The following CTNNA3 variants were observed in gnomAD, a reference collection of about 807,000 sequenced individuals.
The protein encoded by CTNNA3 is catenin alpha-3.
CTNNA3 carries 76 observed loss-of-function variants against 95.7 expected under a neutral mutation model. The ratio of observed to expected loss-of-function variants is 0.79; its 90% CI spans 0.66 to 0.96. CTNNA3 has a LOEUF of 0.96. Ranked by LOEUF, CTNNA3 falls within the 40% of genes least tolerant of loss-of-function variation. The probability of loss-of-function intolerance (pLI) is 0.00; values close to 1 mark genes in which losing one functional copy is unlikely to be tolerated. For missense variants in CTNNA3, 1,191 were observed against 1,089.8 expected (o/e 1.09, Z -1.31); for synonymous variants, 431 against 374.4 (o/e 1.15, Z -1.74).
chr10:67,357,872 T>C (rs928500961), intron 5 of CTNNA3, among the ~76,000 whole-genome samples: 3 of 152,032 alleles, frequency 2.0e-5, no homozygotes, highest in African/African-American at 7.2e-5. Flanking sequence ...ACTTGAACTG[T>C]CTGACTTCAG....
chr10:67,757,918 G>A (rs1841442442), intron 1 of CTNNA3, among the ~76,000 whole-genome samples: 1 of 151,990 alleles, frequency 6.6e-6, no homozygotes, highest in Admixed American at 6.6e-5. Flanking sequence ...CCAGATATCT[G>A]GTAAAATGTT....
intron 3 of CTNNA3, among the ~76,000 whole-genome samples, chr10:67,564,677 G>GTATATATA (rs71006151): frequency 0.01 from 615 of 61,272 alleles, 37 homozygotes; most frequent in Admixed American, 0.019. Flanking sequence ...GTGTGTGTGT[G>GTATATATA]TATATATATA....
chr10:66,164,896 T>C (rs1262397264), intron 13 of CTNNA3, among the ~76,000 whole-genome samples: 1 of 152,156 alleles, frequency 6.6e-6, no homozygotes, highest in African/African-American at 2.4e-5. Flanking sequence ...GTTTTTTAAA[T>C]GAATCTTCTG....
intron 1 of CTNNA3, among the ~76,000 whole-genome samples, chr10:67,668,449 T>A (rs1840370433): frequency 6.6e-6 from 1 of 152,182 alleles, no homozygotes; most frequent in Non-Finnish European, 1.5e-5. Flanking sequence ...CAAACTATGA[T>A]AAAGTTTAAT....
chr10:67,116,550 A>T (rs1055995156), intron 7 of CTNNA3, among the ~76,000 whole-genome samples: 2 of 151,638 alleles, frequency 1.3e-5, no homozygotes, highest in South Asian at 4.2e-4. Flanking sequence ...AATAGCTCAG[A>T]TATCTGTGAG....
At chr10:66,205,910 C>T (rs565224584) in intron 13 of CTNNA3, among the ~76,000 whole-genome samples, 1 of 151,676 alleles carries the variant, frequency 6.6e-6, no homozygotes, top group Non-Finnish European at 1.5e-5. Flanking sequence ...CAAACGTCAC[C>T]ATTTATTTGC....
chr10:67,513,682 C>T (rs1839713184), intron 5 of CTNNA3, among the ~76,000 whole-genome samples: 1 of 152,166 alleles, frequency 6.6e-6, no homozygotes, highest in Non-Finnish European at 1.5e-5. Flanking sequence ...TCATTATAGC[C>T]ATATATAAGC....
At chr10:66,593,786 C>T (rs1843625730) in intron 10 of CTNNA3, among the ~76,000 whole-genome samples, 1 of 152,084 alleles carries the variant, frequency 6.6e-6, no homozygotes, top group South Asian at 2.1e-4. Context: ...CTTAGTGTTC[C>T]ACTATCCACA....
intron 5 of CTNNA3, among the ~76,000 whole-genome samples, chr10:67,441,634 T>G (rs1589293163): frequency 6.6e-6 from 1 of 152,274 alleles, no homozygotes; most frequent in East Asian, 1.9e-4. Context: ...GGTAACTTTA[T>G]AGGCCAGGAG....
chr10:66,537,716 T>C (rs1222729644), intron 10 of CTNNA3, among the ~76,000 whole-genome samples: 1 of 151,776 alleles, frequency 6.6e-6, no homozygotes, highest in Admixed American at 6.6e-5. Context: ...CTTAATACTT[T>C]GGGAAGCCAA....
At chr10:67,234,068 G>A (rs932037864) in intron 5 of CTNNA3, among the ~76,000 whole-genome samples, 1 of 152,086 alleles carries the variant, frequency 6.6e-6, no homozygotes, top group Admixed American at 6.5e-5. Flanking sequence ...ATTCACAGCC[G>A]AATTCTACAA....
intron 13 of CTNNA3, among the ~76,000 whole-genome samples, chr10:66,224,926 C>T (rs1054536188): frequency 6.6e-6 from 1 of 151,836 alleles, no homozygotes; most frequent in African/African-American, 2.4e-5. Flanking sequence ...CATAATAATT[C>T]TACATATTTA....
intron 1 of CTNNA3, among the ~76,000 whole-genome samples, chr10:67,673,539 A>G (rs1447294054): frequency 1.3e-5 from 2 of 150,004 alleles, no homozygotes; most frequent in East Asian, 4.0e-4. Flanking sequence ...CGTCCCATCA[A>G]TACCTAATTT....
intron 15 of CTNNA3, among the ~76,000 whole-genome samples, chr10:66,035,383 A>C (rs2079538886): frequency 6.6e-6 from 1 of 152,158 alleles, no homozygotes; most frequent in Non-Finnish European, 1.5e-5. Flanking sequence ...ATTTAGAATA[A>C]CCAAATAACT....
chr10:66,751,721 A>T (rs1027638732), intron 9 of CTNNA3, among the ~76,000 whole-genome samples: 1 of 152,204 alleles, frequency 6.6e-6, no homozygotes, highest in Non-Finnish European at 1.5e-5. Flanking sequence ...GCAGCATCAC[A>T]TTTCTTACTT....
chr10:66,095,682 A>G (rs1316096764), intron 14 of CTNNA3, among the ~76,000 whole-genome samples: 1 of 152,124 alleles, frequency 6.6e-6, no homozygotes, highest in Non-Finnish European at 1.5e-5. Flanking sequence ...TCCTATCACC[A>G]ACATAAAGTT....
intron 7 of CTNNA3, among the ~76,000 whole-genome samples, chr10:66,922,016 T>A (rs1394125908): frequency 6.6e-6 from 1 of 152,220 alleles, no homozygotes; most frequent in Non-Finnish European, 1.5e-5. Flanking sequence ...GCAACTCAGT[T>A]TCATATTGGA....
chr10:66,463,117 C>T (rs577644603), intron 11 of CTNNA3, among the ~76,000 whole-genome samples: 2 of 151,970 alleles, frequency 1.3e-5, no homozygotes, highest in South Asian at 2.1e-4. Context: ...CAAATTTGAC[C>T]GAGTTTAGCT....
chr10:66,422,983 G>A (rs1246329576), intron 11 of CTNNA3, among the ~76,000 whole-genome samples: 2 of 151,906 alleles, frequency 1.3e-5, no homozygotes, highest in African/African-American at 4.8e-5. Flanking sequence ...CAGGAGGTAG[G>A]GGGGCAGCTT....
Sources: allele counts gnomAD v4.1 joint callset (sites outside exome capture counted in the v4.1 genomes callset), GRCh38; gene constraint gnomAD v4.1.1; transcripts MANE v1.5; gene names NCBI Gene and HGNC (gene_info 2026-07-23, HGNC 2026-07-21).